KCNH1: variants seen among roughly 807,000 people sequenced by gnomAD.
The protein encoded by KCNH1 is voltage-gated delayed rectifier potassium channel KCNH1.
Under a neutral mutation model 69.2 loss-of-function variants are expected in KCNH1, and 27 were observed. The ratio of observed to expected loss-of-function variants is 0.39; its 90% CI spans 0.29 to 0.54. KCNH1 has a LOEUF of 0.54. KCNH1 is among the 20% of genes least tolerant of loss of function. The pLI is 0.68. For synonymous variants in KCNH1, 456 were observed against 487.7 expected (o/e 0.93, Z 0.86); for missense variants, 798 against 1,261.6 (o/e 0.63, Z 5.57).
intron 6 of KCNH1, among the ~76,000 whole-genome samples, chr1:210,986,535 A>C (rs1688838027): frequency 2.0e-5 from 3 of 152,056 alleles, no homozygotes; most frequent in African/African-American, 7.3e-5. Context: ...TTTCTCCTTC[A>C]CTTATGAAGC....
chr1:210,816,308 C>A (rs74526850), intron 7 of KCNH1, among the ~76,000 whole-genome samples: 1 of 152,144 alleles, frequency 6.6e-6, no homozygotes, highest in African/African-American at 2.4e-5. Context: ...ACAGTTCTTA[C>A]AGGGGAGACA....
chr1:210,726,530 T>C (rs943698861), intron 10 of KCNH1, among the ~76,000 whole-genome samples: 1 of 152,106 alleles, frequency 6.6e-6, no homozygotes, highest in Non-Finnish European at 1.5e-5. Context: ...AGGACCAGGG[T>C]CATGCTCAGG....
chr1:210,744,302 A>G (rs1210905582), intron 10 of KCNH1, among the ~76,000 whole-genome samples: 3 of 152,228 alleles, frequency 2.0e-5, no homozygotes, highest in Admixed American at 2.0e-4. Flanking sequence ...ATCCTAATAC[A>G]GTGGTCCTCA....
Position 210,861,868 on chromosome 1 carries a change from T to C in KCNH1, c.1463-57702A>G, listed in dbSNP as rs1685985535. On this transcript the variant is annotated intron_variant, in intron 7 of 10. Transcript: ENST00000271751. Reference sequence around the variant, plus strand: ...AATTCCTATCCAACAAGCACTGTTATCACACTGAAGATAAAAGCCAGTTTT... The same window carrying C: ...AATTCCTATCCAACAAGCACTGTTACCACACTGAAGATAAAAGCCAGTTTT... 3.9e-6 allele frequency: 3 copies of C among 762,928 alleles called. No individual in the cohort carries two copies. In the Admixed American group the frequency reaches 5.2e-5, roughly 13 times the overall value. The allele number at this position is 762,928 out of a possible 1,614,324, so 47.3% of individuals were successfully genotyped here. A position where few individuals can be genotyped will look rare whatever the true frequency, so the allele number is the denominator to read the frequency against.
intron 5 of KCNH1, among the ~76,000 whole-genome samples, chr1:211,061,613 C>G (rs1690434385): frequency 6.6e-6 from 1 of 151,992 alleles, no homozygotes; most frequent in South Asian, 2.1e-4. Context: ...TAAACAAATT[C>G]AGTAAAGTTG....
intron 7 of KCNH1, among the ~76,000 whole-genome samples, chr1:210,873,900 G>T (rs1686308494): frequency 6.6e-6 from 1 of 152,152 alleles, no homozygotes; most frequent in Non-Finnish European, 1.5e-5. Flanking sequence ...AAGTGGAATT[G>T]AGAGGCTCTA....
intron 6 of KCNH1, among the ~76,000 whole-genome samples, chr1:211,017,958 C>G (rs1689521557): frequency 6.6e-6 from 1 of 152,076 alleles, no homozygotes; most frequent in African/African-American, 2.4e-5. Context: ...AATGTCCTCT[C>G]TGGGGGAAGT....
At chr1:210,694,002 G>T (rs1681583173) in intron 10 of KCNH1, among the ~76,000 whole-genome samples, 1 of 152,192 alleles carries the variant, frequency 6.6e-6, no homozygotes, top group Non-Finnish European at 1.5e-5. Flanking sequence ...ACTCCCAGGA[G>T]ATTCTACTCT....
chr1:211,034,874 T>C (rs1339892907), intron 5 of KCNH1, among the ~76,000 whole-genome samples: 1 of 152,136 alleles, frequency 6.6e-6, no homozygotes, highest in Non-Finnish European at 1.5e-5. Context: ...AATCTAGAGC[T>C]CCATAGTTCT....
chr1:210,930,572 A>G (rs1188257127), intron 6 of KCNH1, among the ~76,000 whole-genome samples: 1 of 152,218 alleles, frequency 6.6e-6, no homozygotes, highest in Non-Finnish European at 1.5e-5. Context: ...ACCCAAAACC[A>G]TAAAGAGTCT....
intron 10 of KCNH1, among the ~76,000 whole-genome samples, chr1:210,734,921 C>T (rs904873066): frequency 1.3e-5 from 2 of 152,104 alleles, no homozygotes; most frequent in Admixed American, 1.3e-4. Flanking sequence ...AAGAAAGTGA[C>T]CAAATTTTCT....
chr1:211,118,055 A>T (rs761099370), intron 1 of KCNH1, among the ~76,000 whole-genome samples: 1 of 152,170 alleles, frequency 6.6e-6, no homozygotes, highest in Non-Finnish European at 1.5e-5. Context: ...GCTCAATGGA[A>T]TTGTTTGGAT....
At chr1:210,818,631 C>T (rs1684866229) in intron 7 of KCNH1, among the ~76,000 whole-genome samples, 1 of 152,148 alleles carries the variant, frequency 6.6e-6, no homozygotes, top group Non-Finnish European at 1.5e-5. Context: ...GTGTTCAACA[C>T]ATGTCAGTTT....
intron 6 of KCNH1, among the ~76,000 whole-genome samples, chr1:210,985,060 G>GT (rs1357720111): frequency 2.2e-4 from 33 of 152,280 alleles, no homozygotes; most frequent in Non-Finnish European, 4.4e-4. Context: ...TGATTTTCAA[G>GT]TTTTTTGTGT....
chr1:211,090,400 G>A (rs938155887), intron 4 of KCNH1, among the ~76,000 whole-genome samples, 162 bp downstream of exon 4: 2 of 152,116 alleles, frequency 1.3e-5, no homozygotes, highest in African/African-American at 4.8e-5. Flanking sequence ...CTCCTACCCC[G>A]ATACACTCCA....
chr1:210,733,704 A>G (rs1310906272), intron 10 of KCNH1, among the ~76,000 whole-genome samples: 2 of 152,114 alleles, frequency 1.3e-5, no homozygotes, highest in African/African-American at 4.8e-5. Flanking sequence ...TGGGGAAGGG[A>G]GAACAGGTGC....
At chr1:210,884,733 G>A (rs565561052) in intron 7 of KCNH1, among the ~76,000 whole-genome samples, 8 of 152,296 alleles carry the variant, frequency 5.3e-5, no homozygotes, top group African/African-American at 1.9e-4. Flanking sequence ...AAGCCGTGCT[G>A]GAAGAGCTGC....
intron 1 of KCNH1, among the ~76,000 whole-genome samples, chr1:211,127,425 CAAA>C (rs11340722): frequency 0.025 from 3,209 of 127,592 alleles, 100 homozygotes; most frequent in African/African-American, 0.085. Flanking sequence ...ACACACACAC[CAAA>C]AAAAAAAAAA....
chr1:210,928,984 G>T (rs1456135928), intron 6 of KCNH1, among the ~76,000 whole-genome samples: 1 of 152,134 alleles, frequency 6.6e-6, no homozygotes, highest in African/African-American at 2.4e-5. Context: ...TAACCAGGAA[G>T]ATACAGAATC....
Sources: allele counts gnomAD v4.1 joint callset (sites outside exome capture counted in the v4.1 genomes callset), GRCh38; gene constraint gnomAD v4.1.1; transcripts MANE v1.5; gene names NCBI Gene and HGNC (gene_info 2026-07-23, HGNC 2026-07-21).